Variants in TTN observed in about 807,000 individuals in gnomAD.
The protein encoded by TTN is titin, also known as connectin.
Under a neutral mutation model 3,223.0 loss-of-function variants are expected in TTN, and 1,525 were observed. The observed-to-expected ratio is 0.47, with a 90% CI of 0.45 to 0.49. The LOEUF is 0.49. Ranked by LOEUF, TTN falls within the 20% of genes least tolerant of loss-of-function variation. The pLI, the probability that TTN is intolerant of heterozygous loss-of-function variation, is 0.00. For synonymous variants in TTN, 14,094 were observed against 15,161.0 expected (o/e 0.93, Z 5.17); for missense variants, 40,786 against 43,424.0 (o/e 0.94, Z 5.40).
In TTN at chr2:178,575,662, A is replaced by G. The variant is rs879185626; in HGVS notation, c.70470T>C (p.His23490=). The G allele has an allele frequency of 6.8e-6, 11 of 1,613,436 alleles. No homozygotes were observed. The African/African-American group carries it at 1.2e-4, about 18-fold the overall frequency. ...AGCCGGTAACTTTATATGTGCATTT[A>G]TGGCACTTAGTGGTGGCTGTGGAAT... is the stretch of plus-strand genomic sequence containing the variant. ...KSYSTATTKC[H]KCTYKVTGLS... is the part of the protein sequence containing the mutation. Residue 23490 remains histidine (H), a synonymous_variant, in exon 326 of 363, where the codon CAT becomes CAC. Transcript: ENST00000589042. The surrounding 1 kb of genome is among the most constrained non-coding windows in gnomAD (Gnocchi z 4.0).
Position 178,756,646 on chromosome 2 carries a change from C to T in TTN, c.10830G>A (p.Val3610=), listed in dbSNP as rs1340301297. 2 of 1,613,822 alleles carry T rather than the reference C, an allele frequency of 1.2e-6. No homozygotes were observed. Among genetic ancestry groups the T allele is most frequent in the Non-Finnish European group, 1.7e-6 (2 of 1,179,814 alleles). The change falls in exon 46 of 363, where the codon GTG becomes GTA. Residue 3610 remains valine, a synonymous_variant. Coordinates refer to ENST00000589042, the MANE Select transcript of TTN (RefSeq NM_001267550.2). ...SFQGSSYEYE[V]QVFESVSQSS... Reference sequence around the variant, plus strand: ...TTTGAGATACACTTTCAAAAACCTGCACTTCATATTCATATGATGATCCTT... The same window carrying T: ...TTTGAGATACACTTTCAAAAACCTGTACTTCATATTCATATGATGATCCTT...
At chr2:178,627,544 T>C (rs1364678887) in intron 240 of TTN, among the ~76,000 whole-genome samples, 1 of 151,946 alleles carries the variant, frequency 6.6e-6, no homozygotes, top group African/African-American at 2.4e-5. Context: ...AAGGCTAAGG[T>C]ATTTCGGGTG....
At chr2:178,675,467 A>G (rs2067867180) in intron 149 of TTN, among the ~76,000 whole-genome samples, 1 of 151,784 alleles carries the variant, frequency 6.6e-6, no homozygotes, top group Non-Finnish European at 1.5e-5. Context: ...TTTTAGAAAC[A>G]ACATACATAG....
chr2:178,680,178 GT>G, intron 139 of TTN, 75 bp downstream of exon 139: 2 of 1,584,948 alleles, frequency 1.3e-6, no homozygotes, highest in Non-Finnish European at 1.7e-6. Flanking sequence ...CACAAAAGAA[GT>G]TTTCACACAC....
At chr2:178,612,626 TAGTC>T (rs771060773) in intron 265 of TTN, 50 bp from the exon 266 acceptor site, 1 of 1,566,688 alleles carries the variant, frequency 6.4e-7, no homozygotes, top group South Asian at 1.2e-5. Context: ...TATTACCCAA[TAGTC>T]AGTCTGAAAG....
chr2:178,665,435 G>A lies in TTN; in HGVS notation c.35985C>T (p.Val11995=), dbSNP rs1467894472. The change falls in exon 165 of 363, where the codon GTC becomes GTT. Residue 11995 remains valine (V), a synonymous_variant. Transcript: ENST00000589042. ...TKAPEAMKEV[V]PEMKIFEDVP... ...CATCCTCAAATATTTTCATTTCAGG[G>A]ACAACTTCTTTCATAGCTTCTGGTG... 3.1e-6 allele frequency: 5 copies of A among 1,612,324 alleles called. No homozygotes were observed. Among genetic ancestry groups the A allele is most frequent in the Non-Finnish European group, 3.4e-6 (4 of 1,179,552 alleles).
intron 253 of TTN, 94 bp from the exon 254 acceptor site, chr2:178,617,606 G>T (rs2057589843): frequency 4.9e-6 from 7 of 1,420,344 alleles, no homozygotes; most frequent in Non-Finnish European, 6.6e-6. Context: ...TCATTAACAG[G>T]TTTATCAAAT....
chr2:178,734,856 C>T lies in TTN; in HGVS notation c.15068G>A (p.Ser5023Asn), dbSNP rs878907513. 29 of 1,613,716 alleles carry T rather than the reference C, an allele frequency of 1.8e-5. No homozygotes were observed. Among genetic ancestry groups the T allele is most frequent in the Non-Finnish European group, 2.3e-5 (27 of 1,179,770 alleles). Residue 5023 changes from serine to asparagine, a missense_variant, in exon 51 of 363, where the codon AGT becomes AAT. By Grantham distance (46) the Ser-to-Asn change is conservative. Transcript: ENST00000589042. Reference protein sequence around the residue: ...VTWFKNNKELSESNTVRMYFV... With the variant: ...VTWFKNNKELNESNTVRMYFV... ...ATACATTCGGACTGTGTTACTTTCA[C>T]TGAGTTCTTTGTTATTTTTAAACCA...
Position 178,578,704 on chromosome 2 carries a change from C to A in TTN, c.68236G>T (p.Ala22746Ser), listed in dbSNP as rs1443692023. ...VARHPFDVPD[A>S]PPPPNIVDVR... ...TCCACAATATTGGGAGGTGGGGGAG[C>A]ATCAGGCACATCTAGAAAAAAGTAG... Residue 22746 changes from alanine to serine, a missense_variant, in exon 321 of 363, where the codon GCT becomes TCT. Ala to Ser is a moderately conservative substitution (Grantham distance 99, BLOSUM62 1). Coordinates refer to ENST00000589042, the MANE Select transcript of TTN (RefSeq NM_001267550.2). The A allele has an allele frequency of 6.2e-7, 1 of 1,610,276 alleles. No homozygotes were observed. The highest frequency in any genetic ancestry group is 8.5e-7 in the Non-Finnish European group (1 of 1,178,736).
Position 178,792,938 on chromosome 2 carries a change from G to T in TTN, c.1536+466C>A, listed in dbSNP as rs114164290. Among the ~76,000 whole-genome samples, 1,093 of 152,280 alleles carry T rather than the reference G, an allele frequency of 7.2e-3. 12 individuals carry two copies. The highest frequency in any genetic ancestry group is 0.025 in the African/African-American group (1,037 of 41,556). Reference sequence around the variant, plus strand: ...CCTTTTCACCTTTTCTGGTCATTTGGCTTGTTAAAGCCATGCTGTCCATTC... The same window carrying T: ...CCTTTTCACCTTTTCTGGTCATTTGTCTTGTTAAAGCCATGCTGTCCATTC... On this transcript the variant is annotated intron_variant, in intron 9 of 362. Transcript: ENST00000589042.
rs189391840 is a variant in TTN, at chr2:178,714,543, T to C, written c.26231A>G (p.Asp8744Gly). Residue 8744 changes from aspartate to glycine, a missense_variant, in exon 91 of 363, where the codon GAC becomes GGC. Coordinates refer to ENST00000589042, the MANE Select transcript of TTN (RefSeq NM_001267550.2). ...APPRFVKKLS[D>G]ISTVVGKEVQ... ...TTCTTTACCAACGACAGTAGATATGTCACTGAGCTTCTTCACAAATCTTGG... is the reference window on the plus strand; with the variant it reads ...TTCTTTACCAACGACAGTAGATATGCCACTGAGCTTCTTCACAAATCTTGG... 5.0e-6 allele frequency: 8 copies of C among 1,607,304 alleles called. No individual in the cohort carries two copies. The East Asian group carries it at 1.8e-4, about 36-fold the overall frequency.
At chr2:178,701,098 C>T in intron 111 of TTN, 22 bp downstream of exon 111, 1 of 1,606,434 alleles carries the variant, frequency 6.2e-7, no homozygotes. Context: ...ATTTCGACAT[C>T]TAGGTAGATG....
Position 178,725,512 on chromosome 2 carries a change from T to C in TTN, c.20692A>G (p.Ser6898Gly), listed in dbSNP as rs878854291. 13 of 1,613,260 alleles carry C rather than the reference T, an allele frequency of 8.1e-6. No homozygotes were observed. Among genetic ancestry groups the C allele is most frequent in the Non-Finnish European group, 1.0e-5 (12 of 1,179,520 alleles). Residue 6898 changes from serine to glycine, a missense_variant, in exon 71 of 363, where the codon AGT becomes GGT. Coordinates refer to ENST00000589042, the MANE Select transcript of TTN (RefSeq NM_001267550.2). ...ACAAATGTAATCCTGATGTTTTCAC[T>C]TTCTCTAATCACTTCTTCCTTCTCT... ...LKEKEEVIRE[S>G]ENIRITFVEN...
rs767467735 is a variant in TTN at position 178,607,772 on chromosome 2, T to TCC, written c.53002+12_53002+13insGG. On this transcript the variant is annotated intron_variant, in intron 276 of 362. Coordinates refer to ENST00000589042, the MANE Select transcript of TTN (RefSeq NM_001267550.2). ...GAAAATATCCATAATTTTATTCCAA[T>TCC]AACGTTAAGTACCTTGTGGTTCAGC... 1.2e-6 allele frequency: 2 copies of TCC among 1,612,460 alleles called. No individual in the cohort carries two copies.
Position 178,718,382 on chromosome 2 carries a change from T to C in TTN, c.24724A>G (p.Ser8242Gly), listed in dbSNP as rs754820566. ...ESTIEDYAQY[S>G]CLIENEAGQD... ...CCAGCCTCATTTTCTATCAGGCAGCTGTACTGTGCATAATCCTCTATTGTG... is the reference window on the plus strand; with the variant it reads ...CCAGCCTCATTTTCTATCAGGCAGCCGTACTGTGCATAATCCTCTATTGTG... The change falls in exon 85 of 363, where the codon AGC becomes GGC. Residue 8242 changes from serine (S) to glycine (G), a missense_variant. Transcript: ENST00000589042. The C allele has an allele frequency of 6.2e-7, 1 of 1,613,798 alleles. No individual in the cohort carries two copies. The highest frequency in any genetic ancestry group is 2.2e-5 in the East Asian group (1 of 44,860).
Position 178,534,461 on chromosome 2 carries a change from G to C in TTN, c.102154C>G (p.Arg34052Gly), listed in dbSNP as rs756924372. 2 of 1,613,262 alleles carry C rather than the reference G, an allele frequency of 1.2e-6. No individual in the cohort carries two copies. Among genetic ancestry groups the C allele is most frequent in the South Asian group, 2.2e-5 (2 of 91,076 alleles). The part of the protein sequence containing the change: ...ISIEAMDFVD[R>G]LLVKERKSRM... ...GATTTCCTCTCTTTCACTAACAACC[G>C]GTCAACAAAATCCATGGCTTCAATG... The change falls in exon 358 of 363, where the codon CGG becomes GGG. Residue 34052 changes from arginine (R) to glycine (G), a missense_variant. Arg to Gly is a moderately radical substitution (Grantham distance 125). Transcript: ENST00000589042.
intron 163 of TTN, among the ~76,000 whole-genome samples, chr2:178,666,110 C>T (rs2065881209): frequency 1.3e-5 from 2 of 152,012 alleles, no homozygotes; most frequent in South Asian, 2.1e-4. Context: ...ACAGCCACTT[C>T]GAAAAATCTA....
In TTN at chr2:178,749,389, C is replaced by T. The variant is rs759739112; in HGVS notation, c.11311+3735G>A. ...TTTTTATGGTTCTTGAAGCACCATG[C>T]ACAAATCTGGGAATTTTTTCTCTAG... is the stretch of plus-strand genomic sequence containing the variant. On this transcript the variant is annotated intron_variant, in intron 47 of 362. Transcript: ENST00000589042. 6.2e-7 allele frequency: 1 copy of T among 1,613,084 alleles called. No individual in the cohort carries two copies. The highest frequency in any genetic ancestry group is 8.5e-7 in the Non-Finnish European group (1 of 1,179,442).
Position 178,549,120 on chromosome 2 carries a change from T to G in TTN, c.92506A>C (p.Thr30836Pro), listed in dbSNP as rs762590394. 1.0e-4 allele frequency: 163 copies of G among 1,613,758 alleles called. 1 individual carries two copies. The East Asian group carries it at 3.6e-3, about 36-fold the overall frequency. The change falls in exon 339 of 363, where the codon ACA becomes CCA. Residue 30836 changes from threonine to proline, a missense_variant. Physicochemically the swap from Thr to Pro is conservative, Grantham distance 38. Coordinates refer to ENST00000589042, the MANE Select transcript of TTN (RefSeq NM_001267550.2). ...TTGGACCATTCTAAGCTCACAGTTG[T>G]CTTTGATGTGTCTGTTACTTTGACC... The part of the protein sequence containing the change: ...TVVKVTDTSK[T>P]TVSLEWSKPV...
Sources: gnomAD v4.1 joint callset for allele counts (sites outside exome capture counted in the v4.1 genomes callset) on GRCh38, gnomAD v4.1.1 for gene constraint, Gnocchi (gnomAD v3.1) non-coding constraint, MANE v1.5 for transcripts, NCBI Gene and HGNC (gene_info 2026-07-23, HGNC 2026-07-21) for gene names.